ELAVL2: variants seen among roughly 807,000 people sequenced by gnomAD.
The protein encoded by ELAVL2 is ELAV-like protein 2.
Under a neutral mutation model 34.6 loss-of-function variants are expected in ELAVL2, and 4 were observed. The ratio of observed to expected loss-of-function variants is 0.12; its 90% CI spans 0.06 to 0.26. ELAVL2 has a LOEUF of 0.26. Ranked by LOEUF, ELAVL2 falls within the 10% of genes least tolerant of loss-of-function variation. The pLI is 1.00. For missense variants in ELAVL2, 432 were observed against 442.8 expected, an observed-to-expected ratio of 0.98 and a Z score of 0.22; for synonymous variants, 193 against 154.8, an observed-to-expected ratio of 1.25 and a Z score of -1.83.
chr9:23,735,766 G>A (rs1452091363), intron 2 of ELAVL2, among the ~76,000 whole-genome samples: 1 of 152,198 alleles, frequency 6.6e-6, no homozygotes, highest in Non-Finnish European at 1.5e-5. Flanking sequence ...GGCACAAGGA[G>A]AACAGTTATA....
intron 1 of ELAVL2, among the ~76,000 whole-genome samples, chr9:23,792,956 TG>T: frequency 6.6e-6 from 1 of 152,110 alleles, no homozygotes; most frequent in Non-Finnish European, 1.5e-5. Context: ...TTTTACTTTT[TG>T]TAGACACAGG....
chr9:23,725,999 A>G (rs1426378782), intron 3 of ELAVL2, among the ~76,000 whole-genome samples: 3 of 152,124 alleles, frequency 2.0e-5, no homozygotes, highest in Non-Finnish European at 4.4e-5. Flanking sequence ...TCATTTTAGT[A>G]AGGTAATTTA....
intron 3 of ELAVL2, among the ~76,000 whole-genome samples, chr9:23,708,390 A>T (rs1186597897): frequency 6.6e-6 from 1 of 152,242 alleles, no homozygotes; most frequent in African/African-American, 2.4e-5. Context: ...AGGCACAGAC[A>T]AGGTAAATAA....
At chr9:23,826,343 C>G (rs1377954866), upstream of ELAVL2, 1 of 152,430 alleles carries the variant, frequency 6.6e-6, no homozygotes, top group African/African-American at 2.4e-5. Flanking sequence ...GGCTCCTATC[C>G]CGGGCAGCAC....
intron 2 of ELAVL2, among the ~76,000 whole-genome samples, chr9:23,756,649 C>T (rs761135945): frequency 6.6e-6 from 1 of 152,170 alleles, no homozygotes; most frequent in Non-Finnish European, 1.5e-5. Flanking sequence ...CTCAACATGT[C>T]TAGTTCTGAA....
intron 1 of ELAVL2, among the ~76,000 whole-genome samples, chr9:23,823,974 T>C (rs748903046): frequency 1.3e-5 from 2 of 151,938 alleles, no homozygotes; most frequent in Non-Finnish European, 2.9e-5. Flanking sequence ...CGGCTGAAGG[T>C]TTAGAATCTT....
chr9:23,746,837 G>C (rs200286633), intron 2 of ELAVL2, among the ~76,000 whole-genome samples: 1 of 136,890 alleles, frequency 7.3e-6, no homozygotes, highest in African/African-American at 2.7e-5. Flanking sequence ...AAAAAAAAAA[G>C]CCTCTCTCAT....
the ELAVL2 span, among the ~76,000 whole-genome samples, chr9:23,833,128 A>G: frequency 6.6e-6 from 1 of 151,886 alleles, no homozygotes. Flanking sequence ...TTAATGAGAG[A>G]GAAATTTATG....
At chr9:23,787,112 A>C (rs998395166) in intron 1 of ELAVL2, among the ~76,000 whole-genome samples, 1 of 152,170 alleles carries the variant, frequency 6.6e-6, no homozygotes, top group African/African-American at 2.4e-5. Flanking sequence ...GAATATGAGC[A>C]TTTGGAAAAG....
chr9:23,848,771 C>T, the ELAVL2 span, among the ~76,000 whole-genome samples: 1 of 152,194 alleles, frequency 6.6e-6, no homozygotes, highest in Non-Finnish European at 1.5e-5. Flanking sequence ...TATCTACACA[C>T]ATATAAATGA....
intron 2 of ELAVL2, among the ~76,000 whole-genome samples, chr9:23,738,802 G>A (rs1199112049): frequency 6.6e-6 from 1 of 152,154 alleles, no homozygotes; most frequent in East Asian, 1.9e-4. Flanking sequence ...ATTCTAGAGA[G>A]AGCGGTTAAT....
chr9:23,786,634 T>C (rs2137034504), intron 1 of ELAVL2, among the ~76,000 whole-genome samples: 1 of 152,234 alleles, frequency 6.6e-6, no homozygotes, highest in African/African-American at 2.4e-5. Context: ...AAAGTTACCC[T>C]GAAGCTATAA....
At chr9:23,730,942 G>A in intron 3 of ELAVL2, 80 bp downstream of exon 3, 2 of 1,335,716 alleles carry the variant, frequency 1.5e-6, no homozygotes, top group South Asian at 1.5e-5. Flanking sequence ...CCAAAAGGAA[G>A]AAAGGAAAGA....
upstream of ELAVL2, among the ~76,000 whole-genome samples, chr9:23,826,506 T>G (rs1292840012): frequency 6.6e-6 from 1 of 152,048 alleles, no homozygotes; most frequent in Non-Finnish European, 1.5e-5. Context: ...CTCAATGGAG[T>G]CCCGTTTCAA....
At chr9:23,773,418 C>T (rs1224213992) in intron 1 of ELAVL2, among the ~76,000 whole-genome samples, 2 of 152,122 alleles carry the variant, frequency 1.3e-5, no homozygotes, top group Non-Finnish European at 2.9e-5. Context: ...CTACTTTTGT[C>T]AGACTTCCCG....
At chr9:23,827,825 G>T (rs764589009), upstream of ELAVL2, among the ~76,000 whole-genome samples, 50 of 152,234 alleles carry the variant, frequency 3.3e-4, no homozygotes, top group Non-Finnish European at 5.7e-4. Context: ...GTGAAAAACA[G>T]ACCTGTTTAT....
At chr9:23,837,410 G>C in the ELAVL2 span, among the ~76,000 whole-genome samples, 1 of 152,160 alleles carries the variant, frequency 6.6e-6, no homozygotes, top group Admixed American at 6.5e-5. Flanking sequence ...AAGTCACTCT[G>C]ACTAAACTTC....
At chr9:23,702,218 C>T (rs1173266351) in intron 4 of ELAVL2, among the ~76,000 whole-genome samples, 1 of 152,116 alleles carries the variant, frequency 6.6e-6, no homozygotes, top group African/African-American at 2.4e-5. Flanking sequence ...TCTTGTGCTT[C>T]TGACTAGCTA....
chr9:23,790,929 G>C lies in ELAVL2; in HGVS notation c.-15-28680C>G, dbSNP rs906791093. On this transcript the variant is annotated intron_variant, in intron 1 of 6. Transcript: ENST00000397312. ...ATGTTCTCTAAGTACAGAGTGCCTAGAGTCTCAGAGCTGCACAGACACCAG... is the reference window on the plus strand; with the variant it reads ...ATGTTCTCTAAGTACAGAGTGCCTACAGTCTCAGAGCTGCACAGACACCAG... Among the ~76,000 whole-genome samples, 12 of 152,252 alleles carry C rather than the reference G, an allele frequency of 7.9e-5. No individual in the cohort carries two copies. The East Asian group carries it at 1.7e-3, about 22-fold the overall frequency.
Sources: gnomAD v4.1 joint callset for allele counts (sites outside exome capture counted in the v4.1 genomes callset) on GRCh38, gnomAD v4.1.1 for gene constraint, MANE v1.5 for transcripts, NCBI Gene and HGNC (gene_info 2026-07-23, HGNC 2026-07-21) for gene names.